AKAP9: variants seen among roughly 807,000 people sequenced by gnomAD.
AKAP9 encodes the protein A-kinase anchor protein 9.
AKAP9 carries 311 observed loss-of-function variants against 488.5 expected under a neutral mutation model. That is an observed-to-expected ratio of 0.64 (90% CI 0.58 to 0.70). The LOEUF (loss-of-function observed/expected upper bound fraction) is 0.70. Ranked by LOEUF, AKAP9 falls within the 30% of genes least tolerant of loss-of-function variation. The pLI, the probability that AKAP9 is intolerant of heterozygous loss-of-function variation, is 0.00. For synonymous variants in AKAP9, 1,462 were observed against 1,483.5 expected (o/e 0.99, Z 0.33); for missense variants, 4,215 against 4,374.5 (o/e 0.96, Z 1.03).
At chr7:92,049,319 A>G (rs1277905894) in intron 21 of AKAP9, among the ~76,000 whole-genome samples, 2 of 152,246 alleles carry the variant, frequency 1.3e-5, no homozygotes, top group South Asian at 2.1e-4. Context: ...GTTATTAAAA[A>G]TAAAGTTTAG....
intron 1 of AKAP9, among the ~76,000 whole-genome samples, chr7:91,966,038 T>C (rs1304300554): frequency 6.6e-6 from 1 of 152,160 alleles, no homozygotes; most frequent in Non-Finnish European, 1.5e-5. Context: ...TTTTTAGCTT[T>C]AAAAACATTT....
chr7:92,027,589 G>A (rs1359689142), intron 14 of AKAP9, among the ~76,000 whole-genome samples: 8 of 149,782 alleles, frequency 5.3e-5, no homozygotes, highest in South Asian at 2.1e-4. Context: ...CGGCTGCCCC[G>A]TCTGGGAAGT....
intron 1 of AKAP9, among the ~76,000 whole-genome samples, chr7:91,951,925 C>A (rs888254973): frequency 2.0e-4 from 31 of 151,966 alleles, no homozygotes; most frequent in Non-Finnish European, 4.0e-4. Flanking sequence ...CCCACTTAAC[C>A]TTTTTCTTTC....
intron 1 of AKAP9, among the ~76,000 whole-genome samples, chr7:91,963,894 G>T (rs1252837190): frequency 6.6e-6 from 1 of 152,106 alleles, no homozygotes; most frequent in Non-Finnish European, 1.5e-5. Flanking sequence ...TCTGGCCATT[G>T]TTGTAACTGG....
chr7:92,059,798 ATTG>A (rs1306784505), intron 22 of AKAP9, among the ~76,000 whole-genome samples: 2 of 151,810 alleles, frequency 1.3e-5, no homozygotes, highest in Admixed American at 6.6e-5. Flanking sequence ...TTCATACTTT[ATTG>A]TTATGTTTCT....
chr7:92,025,332 A>G (rs113509159), intron 14 of AKAP9, among the ~76,000 whole-genome samples: 12 of 152,334 alleles, frequency 7.9e-5, no homozygotes, highest in African/African-American at 2.4e-4. Flanking sequence ...CAGAGTTTCT[A>G]TAATACTCCA....
At chr7:92,049,276 A>G (rs564192288) in intron 21 of AKAP9, among the ~76,000 whole-genome samples, 7 of 152,224 alleles carry the variant, frequency 4.6e-5, no homozygotes, top group African/African-American at 1.4e-4. Flanking sequence ...CTGCTAATCT[A>G]TATTATCCTC....
At chr7:91,997,828 T>C (rs1798580452) in intron 7 of AKAP9, among the ~76,000 whole-genome samples, 2 of 152,344 alleles carry the variant, frequency 1.3e-5, no homozygotes, top group South Asian at 2.1e-4. Context: ...AGAATACTTT[T>C]ATCAATCTGT....
chr7:91,954,684 T>C (rs1254353077), intron 1 of AKAP9, among the ~76,000 whole-genome samples: 1 of 149,394 alleles, frequency 6.7e-6, no homozygotes, highest in Admixed American at 6.7e-5. Context: ...TTGCTGCATA[T>C]AGGAAACACC....
chr7:92,077,615 G>A (rs1399645113), intron 29 of AKAP9, 81 bp from the exon 30 acceptor site: 5 of 1,177,004 alleles, frequency 4.2e-6, no homozygotes, highest in East Asian at 2.3e-5. Context: ...GTACGTTATA[G>A]GCTCTGATTT....
intron 10 of AKAP9, 129 bp downstream of exon 10, chr7:92,014,457 G>A (rs957862599): frequency 8.1e-5 from 56 of 689,270 alleles, no homozygotes; most frequent in Admixed American, 4.8e-4. Flanking sequence ...GTGAAACCCC[G>A]TCTCTACCAA....
intron 7 of AKAP9, chr7:91,996,011 T>A: frequency 2.0e-6 from 1 of 502,008 alleles, no homozygotes; most frequent in Non-Finnish European, 3.5e-6. Flanking sequence ...GATCAGCCTA[T>A]GTTAAACTGA....
intron 1 of AKAP9, among the ~76,000 whole-genome samples, chr7:91,944,280 G>A (rs35941994): frequency 2.6e-5 from 4 of 152,056 alleles, no homozygotes; most frequent in African/African-American, 9.6e-5. Context: ...GATGTAAATC[G>A]TGGCTATCTC....
intron 3 of AKAP9, among the ~76,000 whole-genome samples, chr7:91,980,668 C>T (rs1796306584): frequency 6.6e-6 from 1 of 151,466 alleles, no homozygotes; most frequent in Admixed American, 6.6e-5. Context: ...TTTTTTGAGA[C>T]TTTGAATAGG....
intron 1 of AKAP9, among the ~76,000 whole-genome samples, chr7:91,961,871 A>T (rs1337629086): frequency 6.6e-6 from 1 of 152,146 alleles, no homozygotes; most frequent in Admixed American, 6.5e-5. Flanking sequence ...AGTTTAAGGA[A>T]TAAGTTATTA....
chr7:91,985,819 T>C (rs555605686), intron 3 of AKAP9, among the ~76,000 whole-genome samples: 1 of 152,254 alleles, frequency 6.6e-6, no homozygotes, highest in East Asian at 1.9e-4. Flanking sequence ...GGCTAATTTT[T>C]CGTATTTTTA....
chr7:92,043,288 T>C, intron 20 of AKAP9: 3 of 990,216 alleles, frequency 3.0e-6, no homozygotes, highest in Non-Finnish European at 3.6e-6. Flanking sequence ...TCAGCTTGCA[T>C]GGAGGAATTT....
At chr7:92,102,171 AAATAAAT>A (rs1280896791) in intron 45 of AKAP9, among the ~76,000 whole-genome samples, 7 of 109,656 alleles carry the variant, frequency 6.4e-5, no homozygotes, top group Non-Finnish European at 1.3e-4. Context: ...TTTAAAAAAA[AAATAAAT>A]AAATAAATAA....
rs1431538095 is a variant in AKAP9, at chr7:92,038,585, C to T, written c.4505C>T (p.Thr1502Ile). 6.2e-6 allele frequency: 10 copies of T among 1,613,828 alleles called. No individual in the cohort carries two copies. The South Asian group carries it at 1.1e-4, about 18-fold the overall frequency. Residue 1502 changes from threonine to isoleucine, a missense_variant, in exon 17 of 50, where the codon ACT becomes ATT. Transcript: ENST00000356239. ...KLSQDQIGFQ[T>I]FETVDVKFKE... is the part of the protein sequence containing the mutation. ...TCACAGGATCAAATTGGTTTTCAGA[C>T]TTTTGAGACAGTGGATGTGAAATTT...
Sources: gnomAD v4.1 joint callset for allele counts (sites outside exome capture counted in the v4.1 genomes callset) on GRCh38, gnomAD v4.1.1 for gene constraint, MANE v1.5 for transcripts, NCBI Gene and HGNC (gene_info 2026-07-23, HGNC 2026-07-21) for gene names.